Variants in HHAT observed in about 807,000 individuals in gnomAD.
HHAT encodes the protein protein-cysteine N-palmitoyltransferase HHAT.
Under a neutral mutation model 70.8 loss-of-function variants are expected in HHAT, and 47 were observed. That is an observed-to-expected ratio of 0.66 (90% CI 0.53 to 0.85). The LOEUF (loss-of-function observed/expected upper bound fraction) is 0.85. Ranked by LOEUF, HHAT falls within the 40% of genes least tolerant of loss-of-function variation. The pLI is 0.00. For synonymous variants in HHAT, 228 were observed against 247.6 expected (o/e 0.92, Z 0.74); for missense variants, 609 against 604.8 (o/e 1.01, Z -0.07).
chr1:210,580,842 G>A (rs758878648), intron 9 of HHAT, among the ~76,000 whole-genome samples: 11 of 152,132 alleles, frequency 7.2e-5, no homozygotes, highest in African/African-American at 1.4e-4. Flanking sequence ...TATATACCCA[G>A]TAATGAGATT....
intron 11 of HHAT, 133 bp from the exon 12 acceptor site, chr1:210,674,152 GTCA>G: frequency 1.5e-6 from 1 of 680,328 alleles, no homozygotes; most frequent in Non-Finnish European, 2.6e-6. Flanking sequence ...TGCTGAAGTT[GTCA>G]TTACAGCAGA....
intron 1 of HHAT, among the ~76,000 whole-genome samples, chr1:210,335,034 T>C (rs2085353147): frequency 6.6e-6 from 1 of 152,160 alleles, no homozygotes; most frequent in Non-Finnish European, 1.5e-5. Flanking sequence ...GGAACCACTT[T>C]CCGGTTGCAT....
chr1:210,624,763 G>A lies in HHAT; in HGVS notation c.1390+1093G>A, dbSNP rs368719391. Among the ~76,000 whole-genome samples, 25 of 152,232 alleles carry A rather than the reference G, an allele frequency of 1.6e-4. 1 individual carries two copies. In the South Asian group the frequency reaches 5.2e-3, roughly 32 times the overall value. Reference sequence around the variant, plus strand: ...GTTACATCATATCTATAAGAGAATTGGGAGATTTGGAACTACTCATGGTAC... The same window carrying A: ...GTTACATCATATCTATAAGAGAATTAGGAGATTTGGAACTACTCATGGTAC... On this transcript the variant is annotated intron_variant, in intron 11 of 11. Coordinates refer to ENST00000261458, the MANE Select transcript of HHAT (RefSeq NM_018194.6).
intron 3 of HHAT, among the ~76,000 whole-genome samples, chr1:210,367,693 T>A (rs891669095): frequency 1.3e-5 from 2 of 152,194 alleles, no homozygotes; most frequent in Non-Finnish European, 2.9e-5. Context: ...TTTGATGATG[T>A]TCAGGTTTGG....
At chr1:210,354,756 G>A (rs1190489204) in intron 2 of HHAT, among the ~76,000 whole-genome samples, 1 of 152,020 alleles carries the variant, frequency 6.6e-6, no homozygotes, top group Non-Finnish European at 1.5e-5. Flanking sequence ...TTTACAAAAT[G>A]CCTAAGTATC....
chr1:210,578,995 A>T (rs1042101063), intron 9 of HHAT, among the ~76,000 whole-genome samples: 23 of 152,204 alleles, frequency 1.5e-4, no homozygotes, highest in Non-Finnish European at 2.6e-4. Context: ...CAATGAGATC[A>T]TGTCCTTTGC....
chr1:210,569,516 A>AATGT (rs1655704136), intron 9 of HHAT, among the ~76,000 whole-genome samples: 1 of 151,612 alleles, frequency 6.6e-6, no homozygotes, highest in Non-Finnish European at 1.5e-5. Flanking sequence ...TTTCCATTGT[A>AATGT]ATGTACAATT....
At chr1:210,364,555 C>T (rs539796878) in intron 3 of HHAT, among the ~76,000 whole-genome samples, 3 of 152,308 alleles carry the variant, frequency 2.0e-5, no homozygotes, top group South Asian at 4.1e-4. Flanking sequence ...GGTGAGGCAG[C>T]GTGAGAAAGT....
intron 7 of HHAT, among the ~76,000 whole-genome samples, chr1:210,434,782 T>C (rs182093499): frequency 3.9e-5 from 6 of 151,958 alleles, no homozygotes; most frequent in Non-Finnish European, 8.8e-5. Flanking sequence ...AATTTACATG[T>C]AAATGCATTA....
intron 2 of HHAT, among the ~76,000 whole-genome samples, chr1:210,353,384 A>G (rs1390395215): frequency 6.6e-6 from 1 of 151,788 alleles, no homozygotes; most frequent in Middle Eastern, 3.2e-3. Context: ...CGGAATAAAA[A>G]CTATTGAATT....
At chr1:210,351,336 T>G (rs2086999095) in intron 2 of HHAT, among the ~76,000 whole-genome samples, 1 of 152,230 alleles carries the variant, frequency 6.6e-6, no homozygotes, top group Non-Finnish European at 1.5e-5. Context: ...TGTATCTGAT[T>G]CAAATGCTTA....
chr1:210,437,096 G>GTAA (rs1054204741), intron 7 of HHAT, among the ~76,000 whole-genome samples: 1 of 151,808 alleles, frequency 6.6e-6, no homozygotes, highest in Non-Finnish European at 1.5e-5. Context: ...TAGGTTATGG[G>GTAA]TAAGAGCACC....
intron 10 of HHAT, among the ~76,000 whole-genome samples, chr1:210,611,191 G>A (rs1010681517): frequency 2.3e-4 from 35 of 152,150 alleles, no homozygotes; most frequent in Non-Finnish European, 8.8e-5. Context: ...TATTTGAGCA[G>A]TAGTTTGTAG....
intron 4 of HHAT, 53 bp downstream of exon 4, chr1:210,387,634 T>G (rs1483243030): frequency 1.4e-6 from 2 of 1,407,256 alleles, no homozygotes; most frequent in African/African-American, 2.8e-5. Context: ...TTGCTTCTTG[T>G]GAAGAAAGAG....
chr1:210,366,051 C>T (rs11590538), intron 3 of HHAT, among the ~76,000 whole-genome samples: 1,685 of 152,234 alleles, frequency 0.011, 18 homozygotes, highest in Middle Eastern at 0.034. Context: ...CTGCCTCAGC[C>T]TCTTGAGTAG....
chr1:210,586,436 T>C (rs1558218174), intron 9 of HHAT, among the ~76,000 whole-genome samples: 1 of 152,128 alleles, frequency 6.6e-6, no homozygotes, highest in South Asian at 2.1e-4. Flanking sequence ...AGAGATGCTA[T>C]CTCTAAAAAT....
At chr1:210,594,707 C>G (rs1662538725) in intron 10 of HHAT, among the ~76,000 whole-genome samples, 1 of 152,208 alleles carries the variant, frequency 6.6e-6, no homozygotes. Context: ...GATTGAAGAA[C>G]TGCCGTTGGC....
intron 9 of HHAT, among the ~76,000 whole-genome samples, chr1:210,570,578 C>G (rs1333179008): frequency 2.6e-5 from 4 of 152,164 alleles, no homozygotes; most frequent in Non-Finnish European, 5.9e-5. Context: ...CACAGACCCA[C>G]CACCCAGGAG....
chr1:210,625,383 G>A (rs990138068), intron 11 of HHAT, among the ~76,000 whole-genome samples: 6 of 152,208 alleles, frequency 3.9e-5, no homozygotes, highest in Admixed American at 1.3e-4. Flanking sequence ...TCTGATTTTC[G>A]CTTCCCTAAA....
Sources: allele counts gnomAD v4.1 joint callset (sites outside exome capture counted in the v4.1 genomes callset), GRCh38; gene constraint gnomAD v4.1.1; transcripts MANE v1.5; gene names NCBI Gene and HGNC (gene_info 2026-07-23, HGNC 2026-07-21).